CCZ1B: variants seen among roughly 807,000 people sequenced by gnomAD.
CCZ1B encodes the protein CCZ1B vacuolar protein trafficking and biogenesis associated.
A neutral mutation model predicts 58.8 loss-of-function variants in CCZ1B; 25 were observed. The ratio of observed to expected loss-of-function variants is 0.43; its 90% CI spans 0.31 to 0.59. CCZ1B has a LOEUF of 0.59. Ranked by LOEUF, CCZ1B falls within the 20% of genes least tolerant of loss-of-function variation. The pLI is 0.12. For synonymous variants in CCZ1B, 66 were observed against 173.2 expected, an observed-to-expected ratio of 0.38 and a Z score of 4.86; for missense variants, 180 against 501.5, an observed-to-expected ratio of 0.36 and a Z score of 6.12.
intron 5 of CCZ1B, among the ~76,000 whole-genome samples, chr7:6,822,877 A>C (rs907546784): frequency 6.8e-6 from 1 of 146,002 alleles, no homozygotes; most frequent in African/African-American, 2.6e-5. Flanking sequence ...AACTTTTATA[A>C]AATTTTTTTG....
In CCZ1B at chr7:6,822,151, C is replaced by T. The variant is rs1783122088; in HGVS notation, c.522+130G>A. ...CTCGCTGCTCCAGTTTTGCGACGGT[C>T]TGTCTCAGGCTCTTTGCCACTTTCA... On this transcript the variant is annotated intron_variant, in intron 6 of 14. Coordinates refer to ENST00000316731, the MANE Select transcript of CCZ1B (RefSeq NM_198097.5). 27 of 1,374,342 alleles carry T rather than the reference C, an allele frequency of 2.0e-5. 2 individuals carry two copies. In the South Asian group the frequency reaches 3.0e-4, roughly 15 times the overall value. The allele number at this position is 1,374,342 out of a possible 1,614,324, so 85.1% of individuals were successfully genotyped here.
rs1266577847 is a variant in CCZ1B, at chr7:6,816,308, C to T, written c.699-1463G>A. On this transcript the variant is annotated intron_variant, in intron 7 of 14. Transcript: ENST00000316731. ...CAGCCTGGCCAACATGGCAAAACAC[C>T]GTCTCTACTAAAAAATATAAAAATT... Among the ~76,000 whole-genome samples the T allele has an allele frequency of 1.7e-4, 26 of 149,042 alleles. 6 individuals carry two copies. The highest frequency in any genetic ancestry group is 5.8e-4 in the African/African-American group (23 of 39,368).
intron 12 of CCZ1B, among the ~76,000 whole-genome samples, chr7:6,803,848 C>A (rs1378120129): frequency 6.6e-6 from 1 of 150,828 alleles, no homozygotes; most frequent in Admixed American, 6.7e-5. Flanking sequence ...ACTCAGGAGG[C>A]TGAGGCAGGA....
At chr7:6,812,379 C>G (rs1782929571) in intron 9 of CCZ1B, 2 of 357,096 alleles carry the variant, frequency 5.6e-6, no homozygotes, top group Non-Finnish European at 1.1e-5. Flanking sequence ...ATCCCAGCTA[C>G]TAGAGAGGCT....
At chr7:6,817,330 G>C (rs572792794) in intron 7 of CCZ1B, among the ~76,000 whole-genome samples, 1 of 151,420 alleles carries the variant, frequency 6.6e-6, no homozygotes, top group Non-Finnish European at 1.5e-5. Flanking sequence ...GCTCCTGGAA[G>C]ACCCTCTGCT....
intron 5 of CCZ1B, 137 bp from the exon 6 acceptor site, chr7:6,822,501 C>T (rs895145740): frequency 1.2e-5 from 17 of 1,374,404 alleles, no homozygotes; most frequent in South Asian, 4.6e-5. Context: ...AGAATATTTA[C>T]GTGAGAAAAC....
At position 6,819,752 on chromosome 7, in the gene CCZ1B, C is replaced by T. The variant is rs1046663097; in HGVS notation, c.698+14G>A. The T allele has an allele frequency of 2.8e-5, 40 of 1,413,286 alleles. 3 individuals carry two copies. Among genetic ancestry groups the T allele is most frequent in the African/African-American group, 2.8e-4 (18 of 64,212 alleles). 87.5% of individuals were successfully genotyped at this position (1,413,286 alleles called of 1,614,324 possible). A position where few individuals can be genotyped will look rare whatever the true frequency, so the allele number is the denominator to read the frequency against. On this transcript the variant is annotated intron_variant, in intron 7 of 14. Coordinates refer to ENST00000316731, the MANE Select transcript of CCZ1B (RefSeq NM_198097.5). ...AATTTCTTCTTTTAATACCATGCCT[C>T]GGGGTGTACCTACCAGATGAGCTGA...
Position 6,814,773 on chromosome 7 carries a change from G to T in CCZ1B, c.771C>A (p.Ile257=), listed in dbSNP as rs752021498. The T allele has an allele frequency of 3.1e-6, 5 of 1,607,122 alleles. No individual in the cohort carries two copies. The highest frequency in any genetic ancestry group is 4.2e-6 in the Non-Finnish European group (5 of 1,177,986). Residue 257 remains isoleucine, a synonymous_variant, in exon 8 of 15, where the codon ATC becomes ATA. Transcript: ENST00000316731. The part of the protein sequence containing the change: ...YLTTSLFPRH[I]EPELAGRDSP... ...ATGGTACCCATCATACCTCAGGTTC[G>T]ATGTGCCTTGGGAAAAGGGAGGTGG...
chr7:6,809,430 C>T (rs1458613717), intron 10 of CCZ1B, among the ~76,000 whole-genome samples: 1 of 145,164 alleles, frequency 6.9e-6, no homozygotes, highest in East Asian at 1.9e-4. Context: ...CACAATATGT[C>T]TGTAGATTGA....
chr7:6,822,307 C>G lies in CCZ1B; in HGVS notation c.496G>C (p.Glu166Gln). The change falls in exon 6 of 15, where the codon GAA (glutamate) becomes CAA (glutamine). Residue 166 changes from glutamate (E) to glutamine (Q), a missense_variant. Physicochemically the swap from Glu to Gln is conservative, Grantham distance 29. Transcript: ENST00000316731. ...MEDGGVKLLK[E>Q]RLEKFFHRYL... ...CGATGGAAGAATTTCTCTAATCTTT[C>G]TTTCAGAAGCTTGACGCCTCCGTCT... 6.3e-7 allele frequency: 1 copy of G among 1,589,348 alleles called. No homozygotes were observed.
At chr7:6,819,990 T>A (rs748172589) in intron 6 of CCZ1B, 49 bp from the exon 7 acceptor site, 15 of 1,460,266 alleles carry the variant, frequency 1.0e-5, no homozygotes, top group Non-Finnish European at 1.4e-5. Context: ...ACACTGAATA[T>A]AATGCTCCTT....
At chr7:6,800,483 T>C (rs1273093578) in intron 14 of CCZ1B, among the ~76,000 whole-genome samples, 1 of 138,962 alleles carries the variant, frequency 7.2e-6, no homozygotes, top group African/African-American at 2.8e-5. Context: ...AGCAAGACTC[T>C]GTTTCAAAAA....
At chr7:6,817,273 A>C (rs1196181523) in intron 7 of CCZ1B, among the ~76,000 whole-genome samples, 1 of 151,520 alleles carries the variant, frequency 6.6e-6, no homozygotes, top group Non-Finnish European at 1.5e-5. Context: ...CAGGCTTCAA[A>C]GGGCCAACGC....
intron 7 of CCZ1B, among the ~76,000 whole-genome samples, 179 bp from the exon 8 acceptor site, chr7:6,815,024 C>G (rs1002755344): frequency 6.8e-6 from 1 of 147,958 alleles, no homozygotes; most frequent in African/African-American, 2.6e-5. Flanking sequence ...ATTTTTCTAC[C>G]TGAGATCAAA....
chr7:6,812,924 G>A, intron 9 of CCZ1B, 52 bp downstream of exon 9: 3 of 1,473,528 alleles, frequency 2.0e-6, no homozygotes, highest in Middle Eastern at 2.0e-4. Flanking sequence ...CAGACTCTGA[G>A]TCAAAAAAGA....
intron 5 of CCZ1B, among the ~76,000 whole-genome samples, chr7:6,822,587 A>C (rs902400893): frequency 6.7e-6 from 1 of 149,612 alleles, no homozygotes; most frequent in Admixed American, 6.7e-5. Flanking sequence ...TGCTCTAGGC[A>C]TCTTTCAAAA....
intron 3 of CCZ1B, 82 bp downstream of exon 3, chr7:6,824,373 A>T: frequency 7.0e-7 from 1 of 1,429,644 alleles, no homozygotes; most frequent in Non-Finnish European, 9.3e-7. Context: ...ACAGCCAGAG[A>T]ACTTTCCTAA....
chr7:6,820,441 T>C (rs1263983720), intron 6 of CCZ1B, among the ~76,000 whole-genome samples: 1 of 149,034 alleles, frequency 6.7e-6, no homozygotes, highest in Non-Finnish European at 1.5e-5. Context: ...CCTCCCAAAG[T>C]GCTGGGATTA....
intron 6 of CCZ1B, 133 bp downstream of exon 6, chr7:6,822,148 G>A (rs760257440): frequency 6.7e-6 from 9 of 1,352,588 alleles, no homozygotes; most frequent in East Asian, 4.9e-5. Context: ...GTTTTGCGAC[G>A]GTCTGTCTCA....
Sources: allele counts gnomAD v4.1 joint callset (sites outside exome capture counted in the v4.1 genomes callset), GRCh38; gene constraint gnomAD v4.1.1; transcripts MANE v1.5; gene names NCBI Gene and HGNC (gene_info 2026-07-23, HGNC 2026-07-21).